Variants in MARCHF4 observed in about 807,000 individuals in gnomAD.
MARCHF4 encodes the protein E3 ubiquitin-protein ligase MARCHF4.
In MARCHF4, 14 loss-of-function variants were observed where a neutral mutation model predicts 43.9. That is an observed-to-expected ratio of 0.32 (90% CI 0.21 to 0.50). The LOEUF is 0.50. Among genes scored for constraint, MARCHF4 ranks in the 20% least tolerant of loss-of-function variants. The probability of loss-of-function intolerance (pLI) is 0.98; values close to 1 mark genes in which losing one functional copy is unlikely to be tolerated. For missense variants in MARCHF4, 468 were observed against 536.7 expected, an observed-to-expected ratio of 0.87 and a Z score of 1.27; for synonymous variants, 226 against 213.3, an observed-to-expected ratio of 1.06 and a Z score of -0.52.
At chr2:216,365,862 T>A (rs544167091) in intron 1 of MARCHF4, among the ~76,000 whole-genome samples, 1 of 152,306 alleles carries the variant, frequency 6.6e-6, no homozygotes. Context: ...CAGGACCACA[T>A]CTACCCTATG....
At chr2:216,347,357 A>C (rs1232636642) in intron 1 of MARCHF4, among the ~76,000 whole-genome samples, 1 of 152,204 alleles carries the variant, frequency 6.6e-6, no homozygotes, top group Non-Finnish European at 1.5e-5. Flanking sequence ...AATAGAATGG[A>C]GAAAATAAAA....
intron 1 of MARCHF4, among the ~76,000 whole-genome samples, chr2:216,300,350 G>GTGTATATA (rs369678225): frequency 1.4e-4 from 16 of 115,804 alleles, no homozygotes; most frequent in African/African-American, 4.9e-4. Flanking sequence ...ATATATATAT[G>GTGTATATA]TATATATATA....
At chr2:216,298,264 T>G (rs958540825) in intron 1 of MARCHF4, among the ~76,000 whole-genome samples, 7 of 138,604 alleles carry the variant, frequency 5.1e-5, no homozygotes, top group African/African-American at 1.9e-4. Flanking sequence ...AGGTTTTTTT[T>G]TTTTTTTTTT....
chr2:216,312,649 G>A (rs1559096427), intron 1 of MARCHF4, among the ~76,000 whole-genome samples: 1 of 152,112 alleles, frequency 6.6e-6, no homozygotes, highest in Non-Finnish European at 1.5e-5. Flanking sequence ...ATGATGTTGA[G>A]CATTTTTTGG....
intron 3 of MARCHF4, among the ~76,000 whole-genome samples, chr2:216,262,444 A>G (rs1690756263): frequency 6.6e-6 from 1 of 152,212 alleles, no homozygotes; most frequent in Non-Finnish European, 1.5e-5. Context: ...AGGCTGGACC[A>G]TGGAGCCCAG....
At chr2:216,368,916 T>C (rs1397355245) in intron 1 of MARCHF4, among the ~76,000 whole-genome samples, 2 of 152,110 alleles carry the variant, frequency 1.3e-5, no homozygotes, top group Non-Finnish European at 2.9e-5. Flanking sequence ...TCTGAATGAA[T>C]AGGGTAGGGA....
chr2:216,351,214 C>T (rs1692399230), intron 1 of MARCHF4, among the ~76,000 whole-genome samples: 1 of 152,202 alleles, frequency 6.6e-6, no homozygotes, highest in South Asian at 2.1e-4. Context: ...ATTACTGCCA[C>T]TGGGAGTCCC....
At chr2:216,310,790 G>T (rs1691673568) in intron 1 of MARCHF4, among the ~76,000 whole-genome samples, 1 of 152,006 alleles carries the variant, frequency 6.6e-6, no homozygotes, top group Non-Finnish European at 1.5e-5. Flanking sequence ...CTACTTTTGG[G>T]GGCATGTGGC....
chr2:216,267,993 G>A (rs754027634), intron 3 of MARCHF4, among the ~76,000 whole-genome samples: 14 of 152,230 alleles, frequency 9.2e-5, no homozygotes, highest in Non-Finnish European at 1.8e-4. Context: ...GGGTGGGAAG[G>A]AGTTAACACG....
intron 1 of MARCHF4, among the ~76,000 whole-genome samples, chr2:216,292,887 G>C (rs910226526): frequency 6.6e-6 from 1 of 152,228 alleles, no homozygotes; most frequent in South Asian, 2.1e-4. Context: ...AATGTATCCT[G>C]GTATCAGGAT....
At chr2:216,269,181 C>T (rs1690894715) in intron 3 of MARCHF4, among the ~76,000 whole-genome samples, 1 of 152,178 alleles carries the variant, frequency 6.6e-6, no homozygotes, top group Non-Finnish European at 1.5e-5. Flanking sequence ...AAGAAGAGAG[C>T]CTCATTTTTG....
rs1692772297 is a variant in MARCHF4 at position 216,371,728 on chromosome 2, A to G, written c.-1468T>C. On this transcript the variant is annotated 5_prime_UTR_variant, in exon 1 of 4. Transcript: ENST00000273067. ...GGCTGGGGAGTGAGGAGGGGGAGTA[A>G]TAAAAAATGAAATAATACTAGTGGA... 1 of 152,216 alleles carries G rather than the reference A, an allele frequency of 6.6e-6. No homozygotes were observed. The highest frequency in any genetic ancestry group is 2.1e-4 in the South Asian group (1 of 4,828). The allele number at this position is 152,216 out of a possible 1,614,324, so 9.4% of individuals were successfully genotyped here. A position where few individuals can be genotyped will look rare whatever the true frequency, so the allele number is the denominator to read the frequency against.
chr2:216,276,371 CT>C (rs1691021905), intron 3 of MARCHF4, among the ~76,000 whole-genome samples: 1 of 152,164 alleles, frequency 6.6e-6, no homozygotes, highest in Admixed American at 6.5e-5. Context: ...AAATTGTTCC[CT>C]GTTCATAGTC....
chr2:216,328,355 C>T (rs1416716850), intron 1 of MARCHF4, among the ~76,000 whole-genome samples: 2 of 152,106 alleles, frequency 1.3e-5, no homozygotes, highest in Non-Finnish European at 2.9e-5. Context: ...TTAGTAGAGA[C>T]GGGGTTTCAC....
In MARCHF4 at chr2:216,372,239, G is replaced by A. The variant is rs1468894667; in HGVS notation, c.-1979C>T. On this transcript the variant is annotated 5_prime_UTR_variant, in exon 1 of 4. Transcript: ENST00000273067. ...TGGAAGGGAGGTGGCGGGGCGGCGA[G>A]CTGACCGTCCGAGAACTGGAAACAA... Among the ~76,000 whole-genome samples, 2 of 152,310 alleles carry A rather than the reference G, an allele frequency of 1.3e-5. No homozygotes were observed. The highest frequency in any genetic ancestry group is 3.9e-4 in the East Asian group (2 of 5,180).
At chr2:216,284,283 T>G (rs1691183711) in intron 1 of MARCHF4, among the ~76,000 whole-genome samples, 1 of 151,930 alleles carries the variant, frequency 6.6e-6, no homozygotes, top group African/African-American at 2.4e-5. Flanking sequence ...CACCCTTGGG[T>G]CTGGCTGGGG....
chr2:216,343,371 C>T (rs886144503), intron 1 of MARCHF4, among the ~76,000 whole-genome samples: 10 of 152,060 alleles, frequency 6.6e-5, no homozygotes, highest in African/African-American at 1.2e-4. Context: ...CTTACATGGC[C>T]GAGAGAGCTT....
At chr2:216,356,955 G>A (rs538058137) in intron 1 of MARCHF4, among the ~76,000 whole-genome samples, 8 of 152,002 alleles carry the variant, frequency 5.3e-5, no homozygotes, top group Middle Eastern at 3.4e-3. Flanking sequence ...CCTGGGAGGC[G>A]GAGGTTGCAG....
intron 1 of MARCHF4, among the ~76,000 whole-genome samples, chr2:216,347,190 G>A (rs955196396): frequency 6.6e-6 from 1 of 152,124 alleles, no homozygotes; most frequent in Non-Finnish European, 1.5e-5. Flanking sequence ...AGCAGTGTAA[G>A]AATGGTCTAA....
Sources: gnomAD v4.1 joint callset for allele counts (sites outside exome capture counted in the v4.1 genomes callset) on GRCh38, gnomAD v4.1.1 for gene constraint, MANE v1.5 for transcripts, NCBI Gene and HGNC (gene_info 2026-07-23, HGNC 2026-07-21) for gene names.